The following ACTN2 variants were observed in gnomAD, a reference collection of about 807,000 sequenced individuals.
ACTN2 encodes the protein actinin alpha 2.
In ACTN2, 39 loss-of-function variants were observed where a neutral mutation model predicts 113.8. The ratio of observed to expected loss-of-function variants is 0.34; its 90% CI spans 0.27 to 0.45. The LOEUF is 0.45. ACTN2 is among the 20% of genes least tolerant of loss of function. The probability of loss-of-function intolerance (pLI) is 1.00; values close to 1 mark genes in which losing one functional copy is unlikely to be tolerated. For missense variants in ACTN2, 992 were observed against 1,177.9 expected, an observed-to-expected ratio of 0.84 and a Z score of 2.31; for synonymous variants, 429 against 444.1, an observed-to-expected ratio of 0.97 and a Z score of 0.43.
intron 7 of ACTN2, among the ~76,000 whole-genome samples, chr1:236,734,910 A>T (rs926854293): frequency 6.6e-6 from 1 of 152,216 alleles, no homozygotes; most frequent in Admixed American, 6.5e-5. Context: ...GCCAAGATGG[A>T]GGAAGAAAGG....
chr1:236,707,629 C>G (rs779652511), intron 1 of ACTN2, among the ~76,000 whole-genome samples: 5 of 151,886 alleles, frequency 3.3e-5, no homozygotes, highest in Non-Finnish European at 5.9e-5. Flanking sequence ...TCATACCTCA[C>G]AGCAAACTAA....
rs1659774942 is a variant in ACTN2 at position 236,763,792 on chromosome 1, C to G, written c.*1173C>G. On this transcript the variant is annotated 3_prime_UTR_variant, in exon 21 of 21. Transcript: ENST00000366578. ...CTGGTTCTGTGTCTAAAGGCCTGCT[C>G]CATGACACAGGATGCTACATGCACT... 1 of 152,204 alleles carries G rather than the reference C, an allele frequency of 6.6e-6. No individual in the cohort carries two copies. The highest frequency in any genetic ancestry group is 1.5e-5 in the Non-Finnish European group (1 of 68,060). 9.4% of individuals were successfully genotyped at this position (152,204 alleles called of 1,614,324 possible). A position where few individuals can be genotyped will look rare whatever the true frequency, so the allele number is the denominator to read the frequency against.
chr1:236,753,306 A>G (rs1015523744), intron 15 of ACTN2, among the ~76,000 whole-genome samples: 6 of 152,214 alleles, frequency 3.9e-5, no homozygotes, highest in Non-Finnish European at 8.8e-5. Context: ...AGTTATTGTC[A>G]TGTATATGCT....
intron 1 of ACTN2, among the ~76,000 whole-genome samples, chr1:236,696,806 C>T (rs1384572909): frequency 6.6e-6 from 1 of 152,078 alleles, no homozygotes; most frequent in Non-Finnish European, 1.5e-5. Context: ...GCTGAGACTA[C>T]AGGCGTGCGC....
intron 1 of ACTN2, among the ~76,000 whole-genome samples, chr1:236,698,037 G>A (rs996101707): frequency 3.3e-5 from 5 of 149,618 alleles, no homozygotes; most frequent in Non-Finnish European, 7.4e-5. Context: ...GCCTCCCAAA[G>A]TGCTGGGATT....
intron 4 of ACTN2, among the ~76,000 whole-genome samples, chr1:236,723,197 T>G (rs1658451960): frequency 1.3e-5 from 2 of 152,242 alleles, no homozygotes; most frequent in Non-Finnish European, 2.9e-5. Context: ...ATGTACTTCT[T>G]CTTCTTAATT....
chr1:236,723,205 A>G (rs539441789), intron 4 of ACTN2, among the ~76,000 whole-genome samples: 2 of 152,270 alleles, frequency 1.3e-5, no homozygotes, highest in Admixed American at 6.5e-5. Flanking sequence ...CTTCTTCTTA[A>G]TTTCATTGGT....
chr1:236,743,069 T>G, intron 11 of ACTN2, 26 bp downstream of exon 11: 1 of 1,613,664 alleles, frequency 6.2e-7, no homozygotes, highest in South Asian at 1.1e-5. Context: ...TCAGATTGGA[T>G]TTTTGAAAAA....
intron 8 of ACTN2, chr1:236,736,896 T>A: frequency 1.6e-6 from 1 of 612,394 alleles, no homozygotes; most frequent in Admixed American, 2.5e-5. Context: ...TTCCCTACAG[T>A]CTAATCAGCC....
chr1:236,718,113 G>A lies in ACTN2; in HGVS notation c.241+141G>A. On this transcript the variant is annotated intron_variant, in intron 2 of 20. Coordinates refer to ENST00000366578, the MANE Select transcript of ACTN2 (RefSeq NM_001103.4). Reference sequence around the variant, plus strand: ...TATTGCCAAAGAAAACCTTTCCAAAGAACAATCTGCCTGGAGTTATTTTTC... The same window carrying A: ...TATTGCCAAAGAAAACCTTTCCAAAAAACAATCTGCCTGGAGTTATTTTTC... The A allele has an allele frequency of 4.3e-6, 3 of 690,028 alleles. No homozygotes were observed. The South Asian group carries it at 4.8e-5, about 11-fold the overall frequency. 42.7% of individuals were successfully genotyped at this position (690,028 alleles called of 1,614,324 possible).
At chr1:236,687,590 A>G (rs1665921362) in intron 1 of ACTN2, among the ~76,000 whole-genome samples, 2 of 152,250 alleles carry the variant, frequency 1.3e-5, no homozygotes, top group Non-Finnish European at 1.5e-5. Flanking sequence ...ACCCAACCTT[A>G]AGATAACGGG....
Position 236,761,185 on chromosome 1 carries a change from CAG to C in ACTN2, c.2526+14_2526+15del. On this transcript the variant is annotated intron_variant, in intron 20 of 20. Transcript: ENST00000366578. ...TGGCTTCTGATAAGGTCTGCATTGA[CAG>C]ATTTCCTTCTGCTTTAGCAGGAGTC... 6.2e-7 allele frequency: 1 copy of C among 1,614,068 alleles called. No individual in the cohort carries two copies. The highest frequency in any genetic ancestry group is 8.5e-7 in the Non-Finnish European group (1 of 1,180,022).
intron 1 of ACTN2, among the ~76,000 whole-genome samples, chr1:236,713,548 C>G (rs980505632): frequency 4.0e-5 from 6 of 151,036 alleles, no homozygotes; most frequent in Non-Finnish European, 8.8e-5. Context: ...AATGTATATC[C>G]TATGATTTGT....
intron 1 of ACTN2, among the ~76,000 whole-genome samples, chr1:236,709,529 G>A (rs12563365): frequency 0.41 from 62,170 of 151,008 alleles, 15,447 homozygotes; most frequent in Non-Finnish European, 0.56. Context: ...GACCACTGCC[G>A]CTGTAGCTGG....
intron 1 of ACTN2, among the ~76,000 whole-genome samples, chr1:236,696,479 C>G (rs987475243): frequency 4.6e-5 from 7 of 152,024 alleles, no homozygotes; most frequent in Non-Finnish European, 1.0e-4. Context: ...TTGTTATAGT[C>G]AAACAAGATG....
intron 2 of ACTN2, 75 bp downstream of exon 2, chr1:236,718,047 C>A: frequency 1.7e-6 from 2 of 1,187,878 alleles, no homozygotes; most frequent in Non-Finnish European, 2.5e-6. Context: ...ATGACTACAT[C>A]AGAAGTTCGC....
intron 7 of ACTN2, 146 bp from the exon 8 acceptor site, chr1:236,735,489 C>G: frequency 1.4e-6 from 1 of 739,594 alleles, no homozygotes; most frequent in African/African-American, 1.7e-5. Flanking sequence ...TCCTGAGGTT[C>G]GGGACCACGG....
chr1:236,740,220 T>A (rs1468634983), intron 10 of ACTN2, among the ~76,000 whole-genome samples: 1 of 151,976 alleles, frequency 6.6e-6, no homozygotes. Context: ...TTCAAGCAAT[T>A]CTCCTGCCTC....
In ACTN2 at chr1:236,757,605, C is replaced by A. The variant is rs1558250406; in HGVS notation, c.2274C>A (p.Phe758Leu). The change falls in exon 18 of 21, where the codon TTC becomes TTA. Residue 758 changes from phenylalanine (F) to leucine (L), a missense_variant. By Grantham distance (22) the Phe-to-Leu change is conservative (BLOSUM62 0). Coordinates refer to ENST00000366578, the MANE Select transcript of ACTN2 (RefSeq NM_001103.4). ...TCACCCAGGAGCAGATGAATGAGTTCAGAGCCTCCTTCAACCACTTTGACA... is the reference window on the plus strand; with the variant it reads ...TCACCCAGGAGCAGATGAATGAGTTAAGAGCCTCCTTCAACCACTTTGACA... Reference protein sequence around the residue: ...KGITQEQMNEFRASFNHFDRR... With the variant: ...KGITQEQMNELRASFNHFDRR... 1 of 1,614,182 alleles carries A rather than the reference C, an allele frequency of 6.2e-7. No homozygotes were observed. The highest frequency in any genetic ancestry group is 2.2e-5 in the East Asian group (1 of 44,884).
Sources: gnomAD v4.1 joint callset for allele counts (sites outside exome capture counted in the v4.1 genomes callset) on GRCh38, gnomAD v4.1.1 for gene constraint, MANE v1.5 for transcripts, NCBI Gene and HGNC (gene_info 2026-07-23, HGNC 2026-07-21) for gene names.